RCBTB1: variants seen among roughly 807,000 people sequenced by gnomAD.
RCBTB1 encodes the protein RCC1 and BTB domain containing protein 1.
RCBTB1 carries 46 observed loss-of-function variants against 62.4 expected under a neutral mutation model. The observed-to-expected ratio is 0.74, with a 90% CI of 0.58 to 0.94. The LOEUF (loss-of-function observed/expected upper bound fraction) is 0.94, where lower values mean the gene tolerates loss of function less well. Ranked by LOEUF, RCBTB1 falls within the 40% of genes least tolerant of loss-of-function variation. The probability of loss-of-function intolerance (pLI) is 0.00; values close to 1 mark genes in which losing one functional copy is unlikely to be tolerated. For synonymous variants in RCBTB1, 222 were observed against 245.8 expected (o/e 0.90, Z 0.91); for missense variants, 565 against 654.9 (o/e 0.86, Z 1.50).
Position 49,566,607 on chromosome 13 carries a change from T to C in RCBTB1, c.277+11A>G, listed in dbSNP as rs187767362. The C allele has an allele frequency of 3.1e-6, 5 of 1,610,754 alleles. No individual in the cohort carries two copies. In the East Asian group the frequency reaches 1.1e-4, roughly 36 times the overall value. ...TTACAAACTGAAAAGTTAGATGGGTTCCCTCCTTACCTTCGGTGCTGAGAA... is the reference window on the plus strand; with the variant it reads ...TTACAAACTGAAAAGTTAGATGGGTCCCCTCCTTACCTTCGGTGCTGAGAA... On this transcript the variant is annotated intron_variant, in intron 4 of 12. Coordinates refer to ENST00000378302, the MANE Select transcript of RCBTB1 (RefSeq NM_018191.4).
chr13:49,532,520 T>G lies in RCBTB1; in HGVS notation c.*1602A>C, dbSNP rs1304350268. 6.6e-6 allele frequency: 1 copy of G among 152,442 alleles called. No homozygotes were observed. The highest frequency in any genetic ancestry group is 6.5e-5 in the Admixed American group (1 of 15,268). 9.4% of individuals were successfully genotyped at this position (152,442 alleles called of 1,614,324 possible). Reference sequence around the variant, plus strand: ...GCATTTCTGAAGCTAGTAAGAAAAGTTCTATCATGTTGTAGAACGAATTCT... The same window carrying G: ...GCATTTCTGAAGCTAGTAAGAAAAGGTCTATCATGTTGTAGAACGAATTCT... On this transcript the variant is annotated 3_prime_UTR_variant, in exon 13 of 13. Coordinates refer to ENST00000378302, the MANE Select transcript of RCBTB1 (RefSeq NM_018191.4).
chr13:49,573,264 C>A (rs61961406), intron 2 of RCBTB1, among the ~76,000 whole-genome samples: 34,005 of 151,900 alleles, frequency 0.22, 4,692 homozygotes, highest in East Asian at 0.55. Context: ...AATATATCTC[C>A]ATGGAGAGAT....
At chr13:49,559,833 AC>A in intron 5 of RCBTB1, 84 bp downstream of exon 5, 1 of 1,299,546 alleles carries the variant, frequency 7.7e-7, no homozygotes. Context: ...TACACTTAAA[AC>A]TGGTGAAGCT....
intron 2 of RCBTB1, among the ~76,000 whole-genome samples, chr13:49,572,155 T>A (rs1017871407): frequency 6.6e-6 from 1 of 151,968 alleles, no homozygotes; most frequent in South Asian, 2.1e-4. Context: ...GGTGAAACCC[T>A]GCCTCTACAA....
intron 9 of RCBTB1, chr13:49,546,102 G>A: frequency 1.0e-6 from 1 of 985,242 alleles, no homozygotes; most frequent in Non-Finnish European, 1.2e-6. Flanking sequence ...TGACTAAGAT[G>A]GGCCAAGAGT....
intron 2 of RCBTB1, among the ~76,000 whole-genome samples, chr13:49,569,584 C>T (rs577624903): frequency 2.4e-4 from 36 of 151,862 alleles, no homozygotes; most frequent in Admixed American, 1.6e-3. Flanking sequence ...GCGGTAGTGG[C>T]GCATGCCTGT....
At chr13:49,570,277 C>T (rs1369273466) in intron 2 of RCBTB1, among the ~76,000 whole-genome samples, 2 of 152,176 alleles carry the variant, frequency 1.3e-5, no homozygotes, top group East Asian at 3.9e-4. Context: ...TAATCTACTG[C>T]AAGATCAAGC....
chr13:49,544,838 T>C lies in RCBTB1; in HGVS notation c.1071A>G (p.Ala357=). The change falls in exon 10 of 13, where the codon GCA becomes GCG. Residue 357 remains alanine, a synonymous_variant. Coordinates refer to ENST00000378302, the MANE Select transcript of RCBTB1 (RefSeq NM_018191.4). The part of the protein sequence containing the change: ...SVEHEDFLTV[A]ESLKKEFDSP... The stretch of plus-strand genomic sequence containing the variant: ...TATCAAATTCTTTCTTCAGTGACTC[T>C]GCAACTGTTAAAAAGTCTTCATGCT... The C allele has an allele frequency of 6.2e-7, 1 of 1,611,790 alleles. No homozygotes were observed. Among genetic ancestry groups the C allele is most frequent in the Non-Finnish European group, 8.5e-7 (1 of 1,179,098 alleles).
At position 49,545,787 on chromosome 13, in the gene RCBTB1, T is replaced by C. The variant is rs143145454; in HGVS notation, c.1046-924A>G. On this transcript the variant is annotated intron_variant, in intron 9 of 12. Coordinates refer to ENST00000378302, the MANE Select transcript of RCBTB1 (RefSeq NM_018191.4). ...AGTGTCTTAATCAAAGACCTCGGCT[T>C]CCAAGCCTGGGATGAACCATTTTCC... 2.2e-4 allele frequency among the ~76,000 whole-genome samples: 34 copies of C among 152,274 alleles called. No homozygotes were observed. In the East Asian group the frequency reaches 6.4e-3, roughly 28 times the overall value.
At chr13:49,558,833 G>A (rs11616920) in intron 5 of RCBTB1, among the ~76,000 whole-genome samples, 37,199 of 152,008 alleles carry the variant, frequency 0.24, 5,896 homozygotes, top group African/African-American at 0.44. Context: ...GCAGTAGGAG[G>A]TGCCCCTTGT....
chr13:49,585,515 G>A lies in RCBTB1; in HGVS notation c.-193C>T, dbSNP rs559066851. 14 of 152,324 alleles carry A rather than the reference G, an allele frequency of 9.2e-5. No homozygotes were observed. Among genetic ancestry groups the A allele is most frequent in the African/African-American group, 2.6e-4 (11 of 41,574 alleles). 9.4% of individuals were successfully genotyped at this position (152,324 alleles called of 1,614,324 possible). A position where few individuals can be genotyped will look rare whatever the true frequency, so the allele number is the denominator to read the frequency against. ...CTCCGAAGCTCCAATGGGCGCAGAA[G>A]TGCGAGCGAGCGGCGGTGCCCACCG... On this transcript the variant is annotated 5_prime_UTR_variant, in exon 1 of 13. Coordinates refer to ENST00000378302, the MANE Select transcript of RCBTB1 (RefSeq NM_018191.4).
intron 8 of RCBTB1, 154 bp from the exon 9 acceptor site, chr13:49,549,802 C>G (rs563895234): frequency 1.0e-6 from 1 of 985,394 alleles, no homozygotes; most frequent in African/African-American, 1.7e-5. Context: ...ACAAAAGCAA[C>G]AGATCAGGGC....
chr13:49,542,895 G>A (rs993096193), intron 10 of RCBTB1, among the ~76,000 whole-genome samples: 3 of 152,166 alleles, frequency 2.0e-5, no homozygotes, highest in Non-Finnish European at 2.9e-5. Flanking sequence ...ATTTTCTTAT[G>A]TATAACACAG....
At chr13:49,571,977 C>A (rs112464061) in intron 2 of RCBTB1, among the ~76,000 whole-genome samples, 1 of 152,150 alleles carries the variant, frequency 6.6e-6, no homozygotes, top group Non-Finnish European at 1.5e-5. Context: ...ATGAGTATTT[C>A]ATCTGTGATA....
chr13:49,560,223 GGACAGAGTAAAGGAGA>G, intron 4 of RCBTB1, 139 bp from the exon 5 acceptor site: 2 of 825,360 alleles, frequency 2.4e-6, no homozygotes, highest in Non-Finnish European at 3.8e-6. Context: ...AAGTAACCAT[GGACAGAGTAAAGGAGA>G]GAGAGATGGG....
At chr13:49,555,455 G>A (rs753376950) in intron 6 of RCBTB1, 60 bp downstream of exon 6, 43 of 1,374,718 alleles carry the variant, frequency 3.1e-5, no homozygotes, top group Non-Finnish European at 4.4e-5. Context: ...ACCTTGTGAA[G>A]AAACTGACGT....
At chr13:49,572,125 G>C (rs897917908) in intron 2 of RCBTB1, among the ~76,000 whole-genome samples, 10 of 152,062 alleles carry the variant, frequency 6.6e-5, no homozygotes, top group Non-Finnish European at 5.9e-5. Context: ...CCAGAAGTTT[G>C]AGACCAGCCT....
Position 49,533,943 on chromosome 13 carries a change from G to C in RCBTB1, c.*179C>G. 1 of 515,964 alleles carries C rather than the reference G, an allele frequency of 1.9e-6. No homozygotes were observed. Among genetic ancestry groups the C allele is most frequent in the South Asian group, 4.7e-5 (1 of 21,396 alleles). 32.0% of individuals were successfully genotyped at this position (515,964 alleles called of 1,614,324 possible). The stretch of plus-strand genomic sequence containing the variant: ...CTGGAAACAAGGGTTGTTTAAAATG[G>C]GCTCAAGAAAAGCCGTACACCCTTG... On this transcript the variant is annotated 3_prime_UTR_variant, in exon 13 of 13. Transcript: ENST00000378302.
At chr13:49,584,838 C>T (rs1274655631) in intron 1 of RCBTB1, among the ~76,000 whole-genome samples, 2 of 152,154 alleles carry the variant, frequency 1.3e-5, no homozygotes, top group African/African-American at 4.8e-5. Flanking sequence ...CAGAACACAG[C>T]GTGCTCGATA....
Sources: gnomAD v4.1 joint callset for allele counts (sites outside exome capture counted in the v4.1 genomes callset) on GRCh38, gnomAD v4.1.1 for gene constraint, MANE v1.5 for transcripts, NCBI Gene and HGNC (gene_info 2026-07-23, HGNC 2026-07-21) for gene names.